Variants in COL14A1 observed in about 807,000 individuals in gnomAD.
COL14A1 encodes the protein collagen alpha-1(XIV) chain.
Under a neutral mutation model 230.3 loss-of-function variants are expected in COL14A1, and 136 were observed. The ratio of observed to expected loss-of-function variants is 0.59; its 90% CI spans 0.51 to 0.68. The LOEUF (loss-of-function observed/expected upper bound fraction) is 0.68. Among genes scored for constraint, COL14A1 ranks in the 30% least tolerant of loss-of-function variants. The probability of loss-of-function intolerance (pLI) is 0.00; values close to 1 mark genes in which losing one functional copy is unlikely to be tolerated. For missense variants in COL14A1, 1,976 were observed against 2,215.8 expected, an observed-to-expected ratio of 0.89 and a Z score of 2.17; for synonymous variants, 792 against 784.1, an observed-to-expected ratio of 1.01 and a Z score of -0.17.
chr8:120,341,204 T>C, intron 42 of COL14A1, 121 bp from the exon 43 acceptor site: 1 of 941,468 alleles, frequency 1.1e-6, no homozygotes, highest in Non-Finnish European at 1.7e-6. Flanking sequence ...GTGTAATGAT[T>C]TTTGCTGCAG....
chr8:120,270,746 AG>A (rs1399620973), intron 26 of COL14A1, among the ~76,000 whole-genome samples: 1 of 151,788 alleles, frequency 6.6e-6, no homozygotes, highest in Non-Finnish European at 1.5e-5. Flanking sequence ...AAGATTGTGG[AG>A]AAAAGGGAAC....
chr8:120,328,733 C>T (rs1380668304), intron 40 of COL14A1, among the ~76,000 whole-genome samples: 1 of 152,184 alleles, frequency 6.6e-6, no homozygotes, highest in East Asian at 1.9e-4. Context: ...AACTCCTTCT[C>T]ACATGATTGG....
At chr8:120,370,582 A>G (rs1773067777) in intron 47 of COL14A1, 4 of 1,454,830 alleles carry the variant, frequency 2.7e-6, no homozygotes, top group Non-Finnish European at 3.6e-6. Context: ...TAACCAAATC[A>G]TATATGTCTA....
chr8:120,213,312 A>G (rs1412857540), intron 13 of COL14A1, among the ~76,000 whole-genome samples: 1 of 152,150 alleles, frequency 6.6e-6, no homozygotes, highest in Non-Finnish European at 1.5e-5. Context: ...TCTATTCGTG[A>G]TCTTTTGAAA....
intron 23 of COL14A1, among the ~76,000 whole-genome samples, chr8:120,256,243 C>A (rs546618833): frequency 1.1e-3 from 170 of 152,226 alleles, no homozygotes; most frequent in African/African-American, 4.0e-3. Flanking sequence ...TTGGTTTCCC[C>A]ATTTCAGAAA....
Position 120,269,723 on chromosome 8 carries a change from G to A in COL14A1, c.3074-312G>A, listed in dbSNP as rs1819602040. Among the ~76,000 whole-genome samples, 3 of 151,668 alleles carry A rather than the reference G, an allele frequency of 2.0e-5. 1 individual carries two copies. Among genetic ancestry groups the A allele is most frequent in the Admixed American group, 1.3e-4 (2 of 15,138 alleles). ...CTGATACTTCGATCTCTGAATCCCT[G>A]TAGTCCCATCTTTTCCTAGTCCTTC... On this transcript the variant is annotated intron_variant, in intron 25 of 47. Coordinates refer to ENST00000297848, the MANE Select transcript of COL14A1 (RefSeq NM_021110.4).
rs993142683 is a variant in COL14A1 at position 120,257,643 on chromosome 8, A to G, written c.2869+2287A>G. ...GTAAGATGCCCATTCTTCCACAGGCAGATGAGTCTCAGACCCTCAGGTGTT... is the reference window on the plus strand; with the variant it reads ...GTAAGATGCCCATTCTTCCACAGGCGGATGAGTCTCAGACCCTCAGGTGTT... On this transcript the variant is annotated intron_variant, in intron 23 of 47. Coordinates refer to ENST00000297848, the MANE Select transcript of COL14A1 (RefSeq NM_021110.4). Among the ~76,000 whole-genome samples, 52 of 152,222 alleles carry G rather than the reference A, an allele frequency of 3.4e-4. 1 individual carries two copies. Among genetic ancestry groups the G allele is most frequent in the African/African-American group, 1.2e-3 (51 of 41,458 alleles).
At chr8:120,258,235 C>A (rs1400363911) in intron 23 of COL14A1, among the ~76,000 whole-genome samples, 1 of 152,152 alleles carries the variant, frequency 6.6e-6, no homozygotes, top group Non-Finnish European at 1.5e-5. Context: ...GTGTTCTGCT[C>A]TTCTATGCCT....
intron 33 of COL14A1, among the ~76,000 whole-genome samples, chr8:120,287,056 C>G (rs1347506533): frequency 1.3e-5 from 2 of 152,108 alleles, no homozygotes; most frequent in Non-Finnish European, 2.9e-5. Flanking sequence ...CCCTTACTGC[C>G]CTTTTAAAGT....
intron 1 of COL14A1, among the ~76,000 whole-genome samples, chr8:120,139,101 C>T (rs1201636232): frequency 1.3e-5 from 2 of 152,198 alleles, no homozygotes; most frequent in Admixed American, 6.5e-5. Context: ...TGTTACAGAA[C>T]TCCTGTGGGT....
chr8:120,125,713 A>G (rs746061024), intron 1 of COL14A1, among the ~76,000 whole-genome samples: 20 of 152,284 alleles, frequency 1.3e-4, no homozygotes, highest in Non-Finnish European at 2.4e-4. Context: ...AAGGGGCTTA[A>G]CAAAGGCGGT....
intron 40 of COL14A1, among the ~76,000 whole-genome samples, chr8:120,324,466 G>A (rs1028456852): frequency 2.1e-4 from 32 of 152,222 alleles, no homozygotes; most frequent in African/African-American, 7.2e-4. Flanking sequence ...TCTTAATCTG[G>A]TGGTTGGTCT....
At chr8:120,168,028 G>C (rs977135266) in intron 4 of COL14A1, 133 bp from the exon 5 acceptor site, 1 of 515,176 alleles carries the variant, frequency 1.9e-6, no homozygotes, top group South Asian at 3.4e-5. Flanking sequence ...TCTAATATTT[G>C]GGGATGAGTT....
intron 34 of COL14A1, among the ~76,000 whole-genome samples, chr8:120,296,882 T>A (rs1395954367): frequency 6.6e-6 from 1 of 152,002 alleles, no homozygotes; most frequent in Non-Finnish European, 1.5e-5. Flanking sequence ...CCACATTGTG[T>A]ACCATATTTA....
At chr8:120,256,679 T>C (rs1323539104) in intron 23 of COL14A1, among the ~76,000 whole-genome samples, 1 of 152,194 alleles carries the variant, frequency 6.6e-6, no homozygotes, top group East Asian at 1.9e-4. Flanking sequence ...CAAAAGTAGA[T>C]AAAGCACAGG....
At chr8:120,320,468 TATTTGTG>T (rs1415648397) in intron 40 of COL14A1, among the ~76,000 whole-genome samples, 2 of 152,334 alleles carry the variant, frequency 1.3e-5, no homozygotes, top group East Asian at 3.9e-4. Flanking sequence ...ACAAAGGACA[TATTTGTG>T]ATGAATATCC....
At chr8:120,363,757 G>A (rs1054926918) in intron 45 of COL14A1, among the ~76,000 whole-genome samples, 1 of 152,186 alleles carries the variant, frequency 6.6e-6, no homozygotes, top group African/African-American at 2.4e-5. Context: ...GGCCATGTGG[G>A]CATGAGAATA....
At chr8:120,369,220 A>G (rs775267218) in intron 46 of COL14A1, 110 bp from the exon 47 acceptor site, 3 of 1,126,756 alleles carry the variant, frequency 2.7e-6, no homozygotes, top group Non-Finnish European at 3.6e-6. Context: ...AGGTTGTCCT[A>G]ATTGTCCTAA....
chr8:120,252,858 A>G (rs1819019092), intron 22 of COL14A1, among the ~76,000 whole-genome samples: 2 of 152,162 alleles, frequency 1.3e-5, no homozygotes, highest in Non-Finnish European at 2.9e-5. Flanking sequence ...GCGCCCCCCG[A>G]TTGCATATAG....
Sources: allele counts gnomAD v4.1 joint callset (sites outside exome capture counted in the v4.1 genomes callset), GRCh38; gene constraint gnomAD v4.1.1; transcripts MANE v1.5; gene names NCBI Gene and HGNC (gene_info 2026-07-23, HGNC 2026-07-21).